The following SMARCC1 variants were observed in gnomAD, a reference collection of about 807,000 sequenced individuals.
SMARCC1 encodes SWI/SNF complex subunit SMARCC1.
SMARCC1 carries 43 observed loss-of-function variants against 147.4 expected under a neutral mutation model. The observed-to-expected ratio is 0.29, with a 90% CI of 0.23 to 0.38. The LOEUF (loss-of-function observed/expected upper bound fraction) is 0.38. Ranked by LOEUF, SMARCC1 falls within the 10% of genes least tolerant of loss-of-function variation. The probability of loss-of-function intolerance (pLI) is 1.00; values close to 1 mark genes in which losing one functional copy is unlikely to be tolerated. For missense variants in SMARCC1, 1,119 were observed against 1,381.1 expected, an observed-to-expected ratio of 0.81 and a Z score of 3.01; for synonymous variants, 495 against 484.4, an observed-to-expected ratio of 1.02 and a Z score of -0.29.
intron 25 of SMARCC1, among the ~76,000 whole-genome samples, chr3:47,620,367 G>T (rs1455089000): frequency 6.6e-6 from 1 of 152,070 alleles, no homozygotes; most frequent in East Asian, 1.9e-4. Flanking sequence ...GGAGACTGAG[G>T]CAGGAGAATG....
At chr3:47,608,851 A>T (rs1217769925) in intron 26 of SMARCC1, among the ~76,000 whole-genome samples, 1 of 32,188 alleles carries the variant, frequency 3.1e-5, no homozygotes, top group Non-Finnish European at 1.2e-4. Context: ...AGTGTCTTTA[A>T]AAAAAAAAAA....
At chr3:47,695,515 G>A (rs1032927076) in intron 11 of SMARCC1, among the ~76,000 whole-genome samples, 2 of 151,884 alleles carry the variant, frequency 1.3e-5, no homozygotes, top group African/African-American at 2.4e-5. Context: ...GCTTGTAATC[G>A]CAGAACTTTG....
intron 19 of SMARCC1, among the ~76,000 whole-genome samples, chr3:47,665,698 G>C (rs2033411255): frequency 6.6e-6 from 1 of 152,112 alleles, no homozygotes. Context: ...TTTGAAAAGA[G>C]AATAATGCGG....
intron 26 of SMARCC1, among the ~76,000 whole-genome samples, chr3:47,595,457 G>A (rs1469290350): frequency 3.9e-5 from 6 of 151,986 alleles, no homozygotes; most frequent in African/African-American, 1.2e-4. Context: ...AACCGGAGAG[G>A]TGGAGGTTGC....
intron 2 of SMARCC1, among the ~76,000 whole-genome samples, chr3:47,757,246 G>T (rs991132798): frequency 6.6e-6 from 1 of 151,626 alleles, no homozygotes; most frequent in South Asian, 2.1e-4. Flanking sequence ...GCCAGACCCC[G>T]TTTCAAAAAA....
rs541415627 is a variant in SMARCC1, at chr3:47,659,282, T to TA, written c.2320+2011dup. Among the ~76,000 whole-genome samples, 105 of 123,352 alleles carry TA rather than the reference T, an allele frequency of 8.5e-4. 1 individual carries two copies. Among genetic ancestry groups the TA allele is most frequent in the East Asian group, 8.1e-3 (35 of 4,322 alleles). 80.9% of individuals were successfully genotyped at this position (123,352 alleles called of 152,430 possible). The stretch of plus-strand genomic sequence containing the variant: ...AAAATAAAAATAAATAAATAAAAAA[T>TA]AAAAAAAAAAGAAAAAAAAAAGAAC... On this transcript the variant is annotated intron_variant, in intron 21 of 27. Coordinates refer to ENST00000254480, the MANE Select transcript of SMARCC1 (RefSeq NM_003074.4).
At chr3:47,697,589 A>T (rs1204607241) in intron 11 of SMARCC1, among the ~76,000 whole-genome samples, 1 of 150,742 alleles carries the variant, frequency 6.6e-6, no homozygotes, top group Non-Finnish European at 1.5e-5. Flanking sequence ...GGTGTGAGCC[A>T]CTGCACCTGG....
intron 7 of SMARCC1, among the ~76,000 whole-genome samples, chr3:47,718,764 A>G (rs1383238459): frequency 6.6e-6 from 1 of 152,048 alleles, no homozygotes; most frequent in Non-Finnish European, 1.5e-5. Context: ...GACCTGTAGA[A>G]AACACAATGA....
intron 8 of SMARCC1, among the ~76,000 whole-genome samples, chr3:47,711,940 T>TA (rs1431953950): frequency 1.3e-5 from 2 of 152,084 alleles, no homozygotes; most frequent in East Asian, 3.9e-4. Flanking sequence ...GCAGAATAAA[T>TA]AGAGTGTATA....
Position 47,674,536 on chromosome 3 carries a change from T to A in SMARCC1, c.1839+939A>T, listed in dbSNP as rs149793392. Among the ~76,000 whole-genome samples, 108 of 152,358 alleles carry A rather than the reference T, an allele frequency of 7.1e-4. 1 individual carries two copies. Among genetic ancestry groups the A allele is most frequent in the African/African-American group, 2.5e-3 (104 of 41,580 alleles). Reference sequence around the variant, plus strand: ...CTTTTGAATGTAATATGTTCTTCTCTACCCTCGCCCCCACCCTCCATGTCT... The same window carrying A: ...CTTTTGAATGTAATATGTTCTTCTCAACCCTCGCCCCCACCCTCCATGTCT... On this transcript the variant is annotated intron_variant, in intron 18 of 27. Transcript: ENST00000254480.
intron 21 of SMARCC1, among the ~76,000 whole-genome samples, chr3:47,652,688 T>C (rs763800463): frequency 2.4e-4 from 36 of 147,414 alleles, no homozygotes; most frequent in Non-Finnish European, 1.5e-5. Flanking sequence ...AAATGGCCAA[T>C]CAAAAATCCC....
chr3:47,765,348 T>C (rs1022313884), intron 2 of SMARCC1, among the ~76,000 whole-genome samples: 10 of 152,196 alleles, frequency 6.6e-5, no homozygotes, highest in South Asian at 2.1e-4. Context: ...ATACGTTTGT[T>C]AGGGTTGTTA....
rs149016203 is a variant in SMARCC1 at position 47,709,784 on chromosome 3, C to A, written c.918+899G>T. ...CTATCACAAACCCAATACTAACACA[C>A]CTTCTTCTCAGTGTCAAGTCGTCTT... is the stretch of plus-strand genomic sequence containing the variant. On this transcript the variant is annotated intron_variant, in intron 9 of 27. Coordinates refer to ENST00000254480, the MANE Select transcript of SMARCC1 (RefSeq NM_003074.4). Among the ~76,000 whole-genome samples the A allele has an allele frequency of 4.6e-5, 7 of 152,296 alleles. No individual in the cohort carries two copies. The East Asian group carries it at 1.3e-3, about 29-fold the overall frequency.
intron 2 of SMARCC1, among the ~76,000 whole-genome samples, chr3:47,765,064 C>A (rs1364772659): frequency 6.6e-6 from 1 of 152,162 alleles, no homozygotes; most frequent in African/African-American, 2.4e-5. Context: ...CCAGCCTGAA[C>A]AACATGGAGA....
intron 22 of SMARCC1, among the ~76,000 whole-genome samples, 153 bp downstream of exon 22, chr3:47,638,572 T>C (rs1397141141): frequency 6.6e-6 from 1 of 152,192 alleles, no homozygotes; most frequent in African/African-American, 2.4e-5. Flanking sequence ...TCCTATATTA[T>C]ATCCTGTGAG....
chr3:47,745,085 T>C (rs902554448), intron 3 of SMARCC1, among the ~76,000 whole-genome samples: 1 of 152,058 alleles, frequency 6.6e-6, no homozygotes, highest in African/African-American at 2.4e-5. Flanking sequence ...CTGGCCAACA[T>C]GGTGAAACCC....
intron 6 of SMARCC1, among the ~76,000 whole-genome samples, chr3:47,724,279 T>C (rs1026702141): frequency 6.6e-6 from 1 of 152,130 alleles, no homozygotes; most frequent in Non-Finnish European, 1.5e-5. Context: ...TAAGTATGAA[T>C]ACATAAAAAA....
At chr3:47,626,461 A>C (rs1446549764) in intron 24 of SMARCC1, among the ~76,000 whole-genome samples, 1 of 146,796 alleles carries the variant, frequency 6.8e-6, no homozygotes, top group Non-Finnish European at 1.5e-5. Flanking sequence ...CTGTCTTTAA[A>C]AAAAAAAAAA....
intron 10 of SMARCC1, among the ~76,000 whole-genome samples, chr3:47,701,829 A>G (rs1053962170): frequency 3.9e-5 from 6 of 152,178 alleles, no homozygotes; most frequent in Non-Finnish European, 7.3e-5. Flanking sequence ...ATTTTTAAAA[A>G]TAAAAAAGGC....
Sources: gnomAD v4.1 joint callset for allele counts (sites outside exome capture counted in the v4.1 genomes callset) on GRCh38, gnomAD v4.1.1 for gene constraint, MANE v1.5 for transcripts, NCBI Gene and HGNC (gene_info 2026-07-23, HGNC 2026-07-21) for gene names.